Variants in MAPK15 observed in about 807,000 individuals in gnomAD.
MAPK15 encodes mitogen-activated protein kinase 15.
MAPK15 carries 61 observed loss-of-function variants against 60.8 expected under a neutral mutation model. The ratio of observed to expected loss-of-function variants is 1.00; its 90% CI spans 0.82 to 1.24. The LOEUF (loss-of-function observed/expected upper bound fraction) is 1.24. Among genes scored for constraint, MAPK15 ranks in the 50% most tolerant of loss-of-function variants. MAPK15 has a pLI of 0.00. For synonymous variants in MAPK15, 356 were observed against 319.9 expected, an observed-to-expected ratio of 1.11 and a Z score of -1.21; for missense variants, 808 against 741.1, an observed-to-expected ratio of 1.09 and a Z score of -1.05.
chr8:143,720,256 C>A lies in MAPK15; in HGVS notation c.748C>A (p.Arg250Ser). 1 of 1,588,656 alleles carries A rather than the reference C, an allele frequency of 6.3e-7. No individual in the cohort carries two copies. Among genetic ancestry groups the A allele is most frequent in the East Asian group, 2.3e-5 (1 of 43,878 alleles). Residue 250 changes from arginine to serine, a missense_variant, in exon 8 of 14, where the codon CGT becomes AGT. Physicochemically the swap from Arg to Ser is moderately radical, Grantham distance 110 (BLOSUM62 -1). Coordinates refer to ENST00000338033, the MANE Select transcript of MAPK15 (RefSeq NM_139021.3). The surrounding 1 kb of genome is among the most constrained non-coding windows in gnomAD (Gnocchi z 4.6). ...EDLLALGSGC[R>S]ASVLHQLGSR... ...CCTCCTGGCTCTCGGCTCAGGCTGC[C>A]GTGCCTCTGTGCTGCACCAGCTGGG...
Position 143,720,180 on chromosome 8 carries a change from G to A in MAPK15, c.722-50G>A, listed in dbSNP as rs561735505. ...TGACTGGCCCCAGATGCCCTGAGCC[G>A]CCCCAGCCGACCAGGCCTGCCTGGG... On this transcript the variant is annotated intron_variant, in intron 7 of 13. Transcript: ENST00000338033. The surrounding 1 kb of genome is among the most constrained non-coding windows in gnomAD (Gnocchi z 4.6). 3.0e-5 allele frequency: 47 copies of A among 1,543,694 alleles called. No individual in the cohort carries two copies. Among genetic ancestry groups the A allele is most frequent in the South Asian group, 2.1e-4 (18 of 83,996 alleles).
At chr8:143,718,121 A>G in intron 3 of MAPK15, 45 bp downstream of exon 3, 1 of 1,613,810 alleles carries the variant, frequency 6.2e-7, no homozygotes, top group East Asian at 2.2e-5. Flanking sequence ...GCCCAGGTAC[A>G]GATCTCTCCA....
Position 143,720,918 on chromosome 8 carries a change from C to A in MAPK15, c.917+78C>A. 6.3e-7 allele frequency: 1 copy of A among 1,581,736 alleles called. No homozygotes were observed. Among genetic ancestry groups the A allele is most frequent in the Admixed American group, 1.7e-5 (1 of 58,476 alleles). ...AGAGAGCCAGCCCATGAGGGACAGC[C>A]CCCACAGCAGGGACCCTGCTGTGAC... On this transcript the variant is annotated intron_variant, in intron 9 of 13. Coordinates refer to ENST00000338033, the MANE Select transcript of MAPK15 (RefSeq NM_139021.3). This position sits in a 1 kb window ranked among gnomAD's most constrained non-coding sequence, Gnocchi z 4.6.
Position 143,722,217 on chromosome 8 carries a change from G to C in MAPK15, c.1601G>C (p.Gly534Ala), listed in dbSNP as rs577018458. 1.2e-6 allele frequency: 2 copies of C among 1,600,460 alleles called. No individual in the cohort carries two copies. Among genetic ancestry groups the C allele is most frequent in the East Asian group, 2.2e-5 (1 of 44,696 alleles). ...AYGTVCHSAL[G>A]HLPLLEGHHV ...GGGACTGTCTGCCACTCGGCACTGG[G>C]CCACCTGCCCCTGCTGGAGGGGCAC... The change falls in exon 14 of 14, where the codon GGC becomes GCC. Residue 534 changes from glycine to alanine, a missense_variant. Physicochemically the swap from Gly to Ala is moderately conservative, Grantham distance 60. Transcript: ENST00000338033.
chr8:143,718,836 C>T lies in MAPK15; in HGVS notation c.348C>T (p.Ser116=). ...GGLLQDVHVR[S]IFYQLLRATR... Reference sequence around the variant, plus strand: ...TGCTGCAGGACGTCCACGTGCGCTCCATCTTCTACCAGCTCCTGCGGGCCA... The same window carrying T: ...TGCTGCAGGACGTCCACGTGCGCTCTATCTTCTACCAGCTCCTGCGGGCCA... The change falls in exon 5 of 14, where the codon TCC becomes TCT. Residue 116 remains serine (S), a synonymous_variant. Transcript: ENST00000338033. 1 of 1,612,370 alleles carries T rather than the reference C, an allele frequency of 6.2e-7. No homozygotes were observed. Among genetic ancestry groups the T allele is most frequent in the Non-Finnish European group, 8.5e-7 (1 of 1,179,756 alleles).
At chr8:143,717,842 G>T (rs782544803) in intron 2 of MAPK15, 50 bp downstream of exon 2, 1 of 1,556,140 alleles carries the variant, frequency 6.4e-7, no homozygotes, top group Non-Finnish European at 8.8e-7. Context: ...GGGAGGGGCA[G>T]CCCCTTGCCC....
Position 143,719,608 on chromosome 8 carries a change from G to A in MAPK15, c.721+126G>A, listed in dbSNP as rs1817968464. On this transcript the variant is annotated intron_variant, in intron 7 of 13. Transcript: ENST00000338033. Reference sequence around the variant, plus strand: ...GGGACGGGGACAGGGAGGATCCAGAGGATGGGGCAGGAGCCCCAGGAAGAC... The same window carrying A: ...GGGACGGGGACAGGGAGGATCCAGAAGATGGGGCAGGAGCCCCAGGAAGAC... 4 of 1,294,144 alleles carry A rather than the reference G, an allele frequency of 3.1e-6. No homozygotes were observed. The African/African-American group carries it at 4.5e-5, about 15-fold the overall frequency. 80.2% of individuals were successfully genotyped at this position (1,294,144 alleles called of 1,614,324 possible). A position where few individuals can be genotyped will look rare whatever the true frequency, so the allele number is the denominator to read the frequency against.
chr8:143,722,332 T>C lies in MAPK15; in HGVS notation c.*81T>C. 1.6e-6 allele frequency: 2 copies of C among 1,285,488 alleles called. No homozygotes were observed. The highest frequency in any genetic ancestry group is 1.0e-6 in the Non-Finnish European group (1 of 954,440). 79.6% of individuals were successfully genotyped at this position (1,285,488 alleles called of 1,614,324 possible). A position where few individuals can be genotyped will look rare whatever the true frequency, so the allele number is the denominator to read the frequency against. On this transcript the variant is annotated 3_prime_UTR_variant, in exon 14 of 14. Coordinates refer to ENST00000338033, the MANE Select transcript of MAPK15 (RefSeq NM_139021.3). Reference sequence around the variant, plus strand: ...CCCCTCTCCAGTCTCCTGCACCCCTTAGCCCTCCCTGCTTTGCCTGGCCCG... The same window carrying C: ...CCCCTCTCCAGTCTCCTGCACCCCTCAGCCCTCCCTGCTTTGCCTGGCCCG...
intron 7 of MAPK15, 25 bp downstream of exon 7, chr8:143,719,507 C>G: frequency 6.2e-7 from 1 of 1,604,144 alleles, no homozygotes. Flanking sequence ...TGGGGCTGGG[C>G]ACCGGGAATG....
In MAPK15 at chr8:143,722,218, C is replaced by T. The variant is rs1354118336; in HGVS notation, c.1602C>T (p.Gly534=). The change falls in exon 14 of 14, where the codon GGC becomes GGT. Residue 534 remains glycine (G), a synonymous_variant. Coordinates refer to ENST00000338033, the MANE Select transcript of MAPK15 (RefSeq NM_139021.3). ...GGACTGTCTGCCACTCGGCACTGGG[C>T]CACCTGCCCCTGCTGGAGGGGCACC... ...AYGTVCHSAL[G]HLPLLEGHHV is the part of the protein sequence containing the mutation. 5.0e-6 allele frequency: 8 copies of T among 1,598,932 alleles called. No homozygotes were observed. Among genetic ancestry groups the T allele is most frequent in the Non-Finnish European group, 6.8e-6 (8 of 1,172,382 alleles).
chr8:143,721,297 A>G lies in MAPK15; in HGVS notation c.1090A>G (p.Ser364Gly). The change falls in exon 11 of 14, where the codon AGC becomes GGC. Residue 364 changes from serine to glycine, a missense_variant. Ser to Gly is a moderately conservative substitution (Grantham distance 56). Coordinates refer to ENST00000338033, the MANE Select transcript of MAPK15 (RefSeq NM_139021.3). Reference protein sequence around the residue: ...REKGPEGVSPSQAHLHKPRAD... With the variant: ...REKGPEGVSPGQAHLHKPRAD... Reference sequence around the variant, plus strand: ...GAAGGGCCCGGAGGGTGTCTCCCCAAGCCAGGCACACCTGCACAAACCCAG... The same window carrying G: ...GAAGGGCCCGGAGGGTGTCTCCCCAGGCCAGGCACACCTGCACAAACCCAG... The G allele has an allele frequency of 6.2e-7, 1 of 1,613,658 alleles. No individual in the cohort carries two copies.
chr8:143,721,806 C>T lies in MAPK15; in HGVS notation c.1384C>T (p.Gln462Ter). ...APSLTSQAAA[Q>*]VANQALIRGD... ...CTCCCTGACCTCCCAGGCTGCGGCT[C>T]AGGTGGCCAACCAGGCCCTGATCCG... Residue 462 changes from glutamine (Q) to a stop codon, truncating the protein, a stop_gained, in exon 13 of 14, where the codon CAG (glutamine) becomes TAG (stop). Transcript: ENST00000338033. LOFTEE classifies it high-confidence loss of function. The T allele has an allele frequency of 1.9e-6, 3 of 1,612,882 alleles. No homozygotes were observed. Among genetic ancestry groups the T allele is most frequent in the East Asian group, 2.2e-5 (1 of 44,868 alleles).
chr8:143,717,892 T>C (rs1817874406), intron 2 of MAPK15, 100 bp downstream of exon 2: 12 of 1,488,724 alleles, frequency 8.1e-6, no homozygotes, highest in Non-Finnish European at 1.1e-5. Context: ...AGCCCAGTCA[T>C]AGCAGATGTT....
rs1563751949 is a variant in MAPK15 at position 143,721,230 on chromosome 8, G to A, written c.1024-1G>A. 6.2e-7 allele frequency: 1 copy of A among 1,607,004 alleles called. No individual in the cohort carries two copies. ...CTCTGAGCACCCTTCCCCTCCCGCA[G>A]ATGATCCTGGAGTGTGGAGGCAGCA... On this transcript the variant is annotated splice_acceptor_variant, in intron 10 of 13. Coordinates refer to ENST00000338033, the MANE Select transcript of MAPK15 (RefSeq NM_139021.3). LOFTEE classifies it high-confidence loss of function.
rs1554619269 is a variant in MAPK15 at position 143,719,409 on chromosome 8, C to G, written c.648C>G (p.Pro216=). ...TGGGGGAGATGCTGCGGGGGAGACC[C>G]CTGTTCCCCGGCACGTCCACCCTCC... ...CILGEMLRGR[P]LFPGTSTLHQ... The change falls in exon 7 of 14, where the codon CCC becomes CCG. Residue 216 remains proline, a synonymous_variant. Transcript: ENST00000338033. 1 of 1,611,630 alleles carries G rather than the reference C, an allele frequency of 6.2e-7. No homozygotes were observed.
chr8:143,719,533 C>T, intron 7 of MAPK15, 51 bp downstream of exon 7: 1 of 1,585,126 alleles, frequency 6.3e-7, no homozygotes, highest in Non-Finnish European at 8.6e-7. Context: ...GGTCAGACAG[C>T]ACAGCTGTGG....
At position 143,719,077 on chromosome 8, in the gene MAPK15, G is replaced by A. The variant is rs1554619142; in HGVS notation, c.502G>A (p.Gly168Arg). The change falls in exon 6 of 14, where the codon GGG becomes AGG. Residue 168 changes from glycine to arginine, a missense_variant. Physicochemically the swap from Gly to Arg is moderately radical, Grantham distance 125. Transcript: ENST00000338033. ...CCGCTCCCTGGGCGACCTCCCCGAG[G>A]GGCCTGAGGACCAGGCCGTGACAGA... ...LARSLGDLPE[G>R]PEDQAVTEYV... 1.3e-6 allele frequency: 2 copies of A among 1,573,790 alleles called. No homozygotes were observed. Among genetic ancestry groups the A allele is most frequent in the Non-Finnish European group, 1.7e-6 (2 of 1,160,230 alleles).
rs1368115277 is a variant in MAPK15, at chr8:143,721,357, C to T, written c.1150C>T (p.Gln384Ter). ...TCAGCTGCCTTCTAGGACACCTGTGCAGGGTCCCAGACCCAGGCCCCAGAG... is the reference window on the plus strand; with the variant it reads ...TCAGCTGCCTTCTAGGACACCTGTGTAGGGTCCCAGACCCAGGCCCCAGAG... ...DPQLPSRTPVQGPRPRPQSSP... is the reference protein window; with the variant it reads ...DPQLPSRTPV Residue 384 changes from glutamine (Q) to a stop codon, truncating the protein, a stop_gained, in exon 11 of 14, where the codon CAG (glutamine) becomes TAG (stop). Coordinates refer to ENST00000338033, the MANE Select transcript of MAPK15 (RefSeq NM_139021.3). LOFTEE classifies it high-confidence loss of function. 1 of 1,613,376 alleles carries T rather than the reference C, an allele frequency of 6.2e-7. No homozygotes were observed. Among genetic ancestry groups the T allele is most frequent in the African/African-American group, 1.3e-5 (1 of 74,928 alleles).
chr8:143,721,149 C>T (rs782303382), intron 10 of MAPK15, 44 bp downstream of exon 10: 4 of 1,597,060 alleles, frequency 2.5e-6, no homozygotes, highest in Admixed American at 1.7e-5. Context: ...CTACTGCACC[C>T]TGGAGGCTGC....
Sources: gnomAD v4.1 joint callset for allele counts on GRCh38, gnomAD v4.1.1 for gene constraint, Gnocchi (gnomAD v3.1) non-coding constraint, MANE v1.5 for transcripts, NCBI Gene and HGNC (gene_info 2026-07-23, HGNC 2026-07-21) for gene names.